TAF3: variants seen among roughly 807,000 people sequenced by gnomAD.
The protein encoded by TAF3 is transcription initiation factor TFIID subunit 3.
Under a neutral mutation model 80.6 loss-of-function variants are expected in TAF3, and 7 were observed. The ratio of observed to expected loss-of-function variants is 0.09; its 90% confidence interval spans 0.05 to 0.16. The LOEUF is 0.16. Among genes scored for constraint, TAF3 ranks in the 10% least tolerant of loss-of-function variants. TAF3 has a pLI of 1.00. For missense variants in TAF3, 921 were observed against 1,140.2 expected (o/e 0.81, Z 2.77); for synonymous variants, 444 against 446.1 (o/e 1.00, Z 0.06).
At chr10:8,002,676 AT>A (rs769100252) in intron 4 of TAF3, among the ~76,000 whole-genome samples, 3 of 152,110 alleles carry the variant, frequency 2.0e-5, no homozygotes, top group South Asian at 4.2e-4. Context: ...TTGAAGACAG[AT>A]TTTTTTTAAA....
At chr10:7,831,443 T>G (rs1836798891) in intron 2 of TAF3, among the ~76,000 whole-genome samples, 1 of 152,168 alleles carries the variant, frequency 6.6e-6, no homozygotes. Flanking sequence ...CCTCCCAGGT[T>G]CAAGGGATTC....
intron 2 of TAF3, among the ~76,000 whole-genome samples, chr10:7,830,411 G>A (rs138929345): frequency 2.3e-4 from 32 of 140,010 alleles, no homozygotes; most frequent in Admixed American, 3.0e-4. Context: ...AGCCAAATGC[G>A]TATCCCTAGA....
At chr10:7,997,899 A>G (rs80344605) in intron 4 of TAF3, among the ~76,000 whole-genome samples, 1,665 of 152,326 alleles carry the variant, frequency 0.011, 20 homozygotes, top group South Asian at 0.031. Flanking sequence ...TATTTTTACA[A>G]CGATCAATTT....
At position 7,819,683 on chromosome 10, in the gene TAF3, T is replaced by TGGATTTTAATA. The variant is rs1474727311; in HGVS notation, c.166+809_166+810insGATTTTAATAG. Among the ~76,000 whole-genome samples, 813 of 152,342 alleles carry TGGATTTTAATA rather than the reference T, an allele frequency of 5.3e-3. 13 individuals carry two copies. Among genetic ancestry groups the TGGATTTTAATA allele is most frequent in the African/African-American group, 0.019 (786 of 41,562 alleles). ...GAAGCTCCACATTATCTTGTTGATG[T>TGGATTTTAATA]GAAGCATTGTATGTGTGTTTGTTGA... On this transcript the variant is annotated intron_variant, in intron 1 of 6. Coordinates refer to ENST00000344293, the MANE Select transcript of TAF3 (RefSeq NM_031923.4).
intron 2 of TAF3, among the ~76,000 whole-genome samples, chr10:7,961,881 G>A (rs756207471): frequency 2.5e-4 from 37 of 150,968 alleles, no homozygotes; most frequent in Admixed American, 7.3e-4. Flanking sequence ...ATAGGGTCTC[G>A]CTCTGTCGCC....
At chr10:7,830,473 C>CTTTTTTTTTTTTTTTTTTT in intron 2 of TAF3, among the ~76,000 whole-genome samples, 1 of 57,680 alleles carries the variant, frequency 1.7e-5, no homozygotes, top group Non-Finnish European at 3.1e-5. Flanking sequence ...CTTTACATGT[C>CTTTTTTTTTTTTTTTTTTT]TTTTTTTTTT....
intron 3 of TAF3, among the ~76,000 whole-genome samples, chr10:7,976,182 G>A (rs1347483243): frequency 6.6e-6 from 1 of 151,938 alleles, no homozygotes; most frequent in Non-Finnish European, 1.5e-5. Context: ...ATCTTATTTG[G>A]CAGCCATTGC....
chr10:7,841,252 A>G (rs1836909851), intron 2 of TAF3, among the ~76,000 whole-genome samples: 1 of 152,220 alleles, frequency 6.6e-6, no homozygotes, highest in Admixed American at 6.5e-5. Flanking sequence ...TAAATTCAAA[A>G]TAATTGTTTC....
rs1391421872 is a variant in TAF3 at position 7,945,329 on chromosome 10, C to A, written c.410-18591C>A. The stretch of plus-strand genomic sequence containing the variant: ...TGGGTGTGGTTGTTTTAAATCTGAC[C>A]AGTCATCTTATTTACTTATTACTGT... On this transcript the variant is annotated intron_variant, in intron 2 of 6. Coordinates refer to ENST00000344293, the MANE Select transcript of TAF3 (RefSeq NM_031923.4). Among the ~76,000 whole-genome samples, 3 of 152,186 alleles carry A rather than the reference C, an allele frequency of 2.0e-5. No individual in the cohort carries two copies. In the East Asian group the frequency reaches 5.8e-4, roughly 29 times the overall value.
chr10:7,843,122 G>T (rs1836934761), intron 2 of TAF3, among the ~76,000 whole-genome samples: 1 of 152,098 alleles, frequency 6.6e-6, no homozygotes. Flanking sequence ...GCCAGACCTT[G>T]TGAATATGTT....
At chr10:7,830,471 G>GTTTT (rs1836787249) in intron 2 of TAF3, among the ~76,000 whole-genome samples, 4 of 67,264 alleles carry the variant, frequency 5.9e-5, no homozygotes, top group Non-Finnish European at 8.9e-5. Context: ...CACTTTACAT[G>GTTTT]TCTTTTTTTT....
chr10:7,957,663 A>G (rs552000769), intron 2 of TAF3, among the ~76,000 whole-genome samples: 2 of 152,294 alleles, frequency 1.3e-5, no homozygotes, highest in Admixed American at 1.3e-4. Flanking sequence ...TCACATATGT[A>G]CAGAAGAGTC....
chr10:7,991,654 A>G (rs1412625252), intron 4 of TAF3, among the ~76,000 whole-genome samples: 1 of 152,204 alleles, frequency 6.6e-6, no homozygotes, highest in Non-Finnish European at 1.5e-5. Context: ...ACACAGATGA[A>G]TATATGTATA....
chr10:7,855,829 C>A (rs1837073317), intron 2 of TAF3, among the ~76,000 whole-genome samples: 1 of 151,952 alleles, frequency 6.6e-6, no homozygotes, highest in African/African-American at 2.4e-5. Context: ...CACCTGTAAT[C>A]CCAGCTCTCA....
chr10:8,004,104 G>A (rs1336893942), intron 4 of TAF3, among the ~76,000 whole-genome samples: 1 of 151,868 alleles, frequency 6.6e-6, no homozygotes, highest in East Asian at 1.9e-4. Flanking sequence ...AGGCTGGAGT[G>A]CAGTGGCATG....
intron 2 of TAF3, among the ~76,000 whole-genome samples, chr10:7,924,695 A>G (rs1837798476): frequency 6.6e-6 from 1 of 152,158 alleles, no homozygotes; most frequent in South Asian, 2.1e-4. Context: ...GCATTACAGA[A>G]AAATTGAAAA....
intron 1 of TAF3, among the ~76,000 whole-genome samples, chr10:7,821,243 G>C (rs1588511635): frequency 6.6e-6 from 1 of 151,576 alleles, no homozygotes; most frequent in East Asian, 1.9e-4. Context: ...TGCTAATTTT[G>C]GTATACTTAT....
chr10:7,857,781 T>C (rs1490359396), intron 2 of TAF3, among the ~76,000 whole-genome samples: 2 of 152,088 alleles, frequency 1.3e-5, no homozygotes, highest in East Asian at 3.9e-4. Context: ...GATGTTTTTG[T>C]TAAGAAAGAA....
intron 4 of TAF3, among the ~76,000 whole-genome samples, chr10:7,999,159 G>A (rs1280757173): frequency 1.3e-5 from 2 of 152,092 alleles, no homozygotes; most frequent in Non-Finnish European, 2.9e-5. Context: ...TTTTAAACAG[G>A]CAAAAATAAT....
Sources: allele counts gnomAD v4.1 joint callset (sites outside exome capture counted in the v4.1 genomes callset), GRCh38; gene constraint gnomAD v4.1.1; transcripts MANE v1.5; gene names NCBI Gene and HGNC (gene_info 2026-07-23, HGNC 2026-07-21).